PRDM16: variants seen among roughly 807,000 people sequenced by gnomAD.
PRDM16 encodes the protein histone-lysine N-methyltransferase PRDM16.
Under a neutral mutation model 110.6 loss-of-function variants are expected in PRDM16, and 23 were observed. The ratio of observed to expected loss-of-function variants is 0.21; its 90% CI spans 0.15 to 0.29. The LOEUF is 0.29. Among genes scored for constraint, PRDM16 ranks in the 10% least tolerant of loss-of-function variants. The probability of loss-of-function intolerance (pLI) is 1.00; values close to 1 mark genes in which losing one functional copy is unlikely to be tolerated. For synonymous variants in PRDM16, 799 were observed against 781.8 expected (o/e 1.02, Z -0.37); for missense variants, 1,615 against 1,794.3 (o/e 0.90, Z 1.81).
chr1:3,408,224 A>C (rs1261957703), intron 8 of PRDM16, among the ~76,000 whole-genome samples: 1 of 152,188 alleles, frequency 6.6e-6, no homozygotes, highest in Non-Finnish European at 1.5e-5. Flanking sequence ...AGGCAGATGG[A>C]AGCCCTAAGC....
At chr1:3,409,806 T>G (rs1643642757) in intron 8 of PRDM16, among the ~76,000 whole-genome samples, 1 of 100,604 alleles carries the variant, frequency 9.9e-6, no homozygotes, top group Admixed American at 9.1e-5. Flanking sequence ...GTGTGTGGTG[T>G]ATGTGTGCAT....
intron 14 of PRDM16, among the ~76,000 whole-genome samples, chr1:3,427,143 C>G (rs146335310): frequency 1.3e-5 from 2 of 152,250 alleles, no homozygotes; most frequent in African/African-American, 2.4e-5. Flanking sequence ...TGGTGGAATT[C>G]GGATCCAGGA....
At chr1:3,195,199 G>C (rs1016246295) in intron 2 of PRDM16, among the ~76,000 whole-genome samples, 1 of 152,194 alleles carries the variant, frequency 6.6e-6, no homozygotes, top group Admixed American at 6.5e-5. Flanking sequence ...GGGCCTCGGC[G>C]TTGCTCCGGG....
At chr1:3,104,737 C>T (rs1250906167) in intron 1 of PRDM16, among the ~76,000 whole-genome samples, 3 of 152,320 alleles carry the variant, frequency 2.0e-5, no homozygotes, top group Middle Eastern at 3.4e-3. Flanking sequence ...CCCCCACCTC[C>T]CCACGTCACC....
rs150640450 is a variant in PRDM16 at position 3,430,735 on chromosome 1, G to A, written c.3285-137G>A. The A allele has an allele frequency of 7.1e-4, 749 of 1,049,492 alleles. 1 individual carries two copies. Among genetic ancestry groups the A allele is most frequent in the Non-Finnish European group, 9.8e-4 (677 of 693,940 alleles). 65.0% of individuals were successfully genotyped at this position (1,049,492 alleles called of 1,614,324 possible). A position where few individuals can be genotyped will look rare whatever the true frequency, so the allele number is the denominator to read the frequency against. On this transcript the variant is annotated intron_variant, in intron 14 of 16. Coordinates refer to ENST00000270722, the MANE Select transcript of PRDM16 (RefSeq NM_022114.4). ...AGTCAGTGGCTGGGCCCAGGGACCC[G>A]CGGGAGCTCCCTCAGGAAGGGGGCT... is the stretch of plus-strand genomic sequence containing the variant.
intron 3 of PRDM16, among the ~76,000 whole-genome samples, chr1:3,375,040 G>A (rs1046774488): frequency 2.0e-5 from 3 of 152,158 alleles, no homozygotes; most frequent in Non-Finnish European, 4.4e-5. Context: ...AGCCCACCCC[G>A]CCTGCATGTA....
chr1:3,288,842 G>T (rs769013941), intron 3 of PRDM16, among the ~76,000 whole-genome samples: 4 of 152,176 alleles, frequency 2.6e-5, no homozygotes, highest in African/African-American at 9.6e-5. Context: ...CAGGGTCCAG[G>T]CTGCCCCTTC....
chr1:3,363,404 G>T (rs1642751107), intron 3 of PRDM16, among the ~76,000 whole-genome samples: 1 of 152,182 alleles, frequency 6.6e-6, no homozygotes, highest in Admixed American at 6.5e-5. Context: ...TCCCAGCAGG[G>T]AGGGAGTCTC....
intron 3 of PRDM16, among the ~76,000 whole-genome samples, chr1:3,335,602 A>AACACACACACACACACACACACACAC: frequency 6.9e-6 from 1 of 144,436 alleles, no homozygotes; most frequent in East Asian, 2.1e-4. Context: ...CTGAGGTTAA[A>AACACACACACACACACACACACACAC]ACACACACAC....
chr1:3,205,598 A>G (rs531923469), intron 2 of PRDM16, among the ~76,000 whole-genome samples: 4 of 152,286 alleles, frequency 2.6e-5, no homozygotes, highest in Admixed American at 1.3e-4. Flanking sequence ...TATTTGTTGA[A>G]TTCATACATT....
intron 3 of PRDM16, among the ~76,000 whole-genome samples, chr1:3,277,600 A>G (rs1212157942): frequency 2.0e-5 from 3 of 152,248 alleles, no homozygotes; most frequent in Non-Finnish European, 4.4e-5. Flanking sequence ...GACGTTGTCC[A>G]GGGACAGGGT....
intron 8 of PRDM16, among the ~76,000 whole-genome samples, chr1:3,405,928 G>A (rs1643554769): frequency 6.6e-6 from 1 of 152,190 alleles, no homozygotes; most frequent in South Asian, 2.1e-4. Flanking sequence ...GTGGGTGATG[G>A]GAGGGACCAG....
chr1:3,258,217 C>G (rs1349478119), intron 3 of PRDM16, among the ~76,000 whole-genome samples: 1 of 152,136 alleles, frequency 6.6e-6, no homozygotes, highest in African/African-American at 2.4e-5. Flanking sequence ...TTGGCTGCAT[C>G]CCTGTACTTT....
chr1:3,349,127 C>T (rs962905052), intron 3 of PRDM16, among the ~76,000 whole-genome samples: 9 of 152,360 alleles, frequency 5.9e-5, no homozygotes, highest in Middle Eastern at 3.4e-3. Context: ...CATTTCTGCA[C>T]GATTTTGTCA....
rs1638816464 is a variant in PRDM16, at chr1:3,208,924, G to A, written c.387+22450G>A. The stretch of plus-strand genomic sequence containing the variant: ...AAAGTCTTGGGGACAGAAGAAACCT[G>A]GCTTTTCCCATGAACAGATGTCCCC... On this transcript the variant is annotated intron_variant, in intron 2 of 16. Transcript: ENST00000270722. This position sits in a 1 kb window ranked among gnomAD's most constrained non-coding sequence, Gnocchi z 6.1. Among the ~76,000 whole-genome samples, 1 of 152,162 alleles carries A rather than the reference G, an allele frequency of 6.6e-6. No homozygotes were observed. Among genetic ancestry groups the A allele is most frequent in the African/African-American group, 2.4e-5 (1 of 41,420 alleles).
chr1:3,413,105 C>A (rs1018950119), intron 9 of PRDM16, among the ~76,000 whole-genome samples: 1 of 152,010 alleles, frequency 6.6e-6, no homozygotes, highest in Admixed American at 6.5e-5. Context: ...TGGCCTCGAG[C>A]GCCTCCTATC....
At chr1:3,214,965 C>T (rs554671674) in intron 2 of PRDM16, among the ~76,000 whole-genome samples, 16 of 152,232 alleles carry the variant, frequency 1.1e-4, no homozygotes, top group Non-Finnish European at 1.6e-4. Flanking sequence ...TCAGGGCCAC[C>T]GATCTTAGAG....
rs189397369 is a variant in PRDM16, at chr1:3,075,969, C to T, written c.37+6673C>T. On this transcript the variant is annotated intron_variant, in intron 1 of 16. Transcript: ENST00000270722. ...GGGGGAGGAGGAGTCACGCACTAGGCTTGACCAAGAGTGAGCCAAGCCCCC... is the reference window on the plus strand; with the variant it reads ...GGGGGAGGAGGAGTCACGCACTAGGTTTGACCAAGAGTGAGCCAAGCCCCC... 2.5e-3 allele frequency among the ~76,000 whole-genome samples: 381 copies of T among 152,360 alleles called. 3 individuals are homozygous for T. The highest frequency in any genetic ancestry group is 8.6e-3 in the African/African-American group (358 of 41,598).
At chr1:3,303,771 T>G (rs1315056387) in intron 3 of PRDM16, among the ~76,000 whole-genome samples, 1 of 152,224 alleles carries the variant, frequency 6.6e-6, no homozygotes, top group Non-Finnish European at 1.5e-5. Flanking sequence ...TGCATCTCAC[T>G]GGGACTCTGT....
Sources: allele counts gnomAD v4.1 joint callset (sites outside exome capture counted in the v4.1 genomes callset), GRCh38; gene constraint gnomAD v4.1.1; non-coding constraint Gnocchi (gnomAD v3.1); transcripts MANE v1.5; gene names NCBI Gene and HGNC (gene_info 2026-07-23, HGNC 2026-07-21).